MAGI2: variants seen among roughly 807,000 people sequenced by gnomAD.
MAGI2 encodes membrane-associated guanylate kinase, WW and PDZ domain-containing protein 2.
MAGI2 carries 35 observed loss-of-function variants against 133.3 expected under a neutral mutation model. That is an observed-to-expected ratio of 0.26 (90% confidence interval 0.20 to 0.35). The LOEUF (loss-of-function observed/expected upper bound fraction) is 0.35. MAGI2 is among the 10% of genes least tolerant of loss of function. The probability of loss-of-function intolerance (pLI) is 1.00; values close to 1 mark genes in which losing one functional copy is unlikely to be tolerated. For synonymous variants in MAGI2, 729 were observed against 710.6 expected (o/e 1.03, Z -0.41); for missense variants, 1,636 against 1,863.4 (o/e 0.88, Z 2.25).
Position 78,407,997 on chromosome 7 carries a change from C to T in MAGI2, c.1046-38784G>A, listed in dbSNP as rs1460352558. 2.6e-5 allele frequency among the ~76,000 whole-genome samples: 4 copies of T among 152,048 alleles called. No homozygotes were observed. In the East Asian group the frequency reaches 7.7e-4, roughly 29 times the overall value. On this transcript the variant is annotated intron_variant, in intron 6 of 21. Coordinates refer to ENST00000354212, the MANE Select transcript of MAGI2 (RefSeq NM_012301.4). ...TATTTATTGAAGCAGGGGAACCTGA[C>T]ATAGAAGGGATAGTCTAACTTTTCT...
intron 13 of MAGI2, among the ~76,000 whole-genome samples, chr7:78,180,990 G>A (rs180905488): frequency 1.5e-5 from 2 of 131,466 alleles, no homozygotes; most frequent in East Asian, 2.2e-4. Context: ...ATTTTTCTTT[G>A]GTTTCTTTTT....
At chr7:78,529,853 G>A (rs1035003341) in intron 3 of MAGI2, among the ~76,000 whole-genome samples, 43 of 150,740 alleles carry the variant, frequency 2.9e-4, no homozygotes, top group African/African-American at 8.0e-4. Flanking sequence ...CATATTAAAA[G>A]AGAAAAAATG....
intron 9 of MAGI2, among the ~76,000 whole-genome samples, chr7:78,311,710 A>G (rs1798718419): frequency 6.6e-6 from 1 of 152,074 alleles, no homozygotes; most frequent in Non-Finnish European, 1.5e-5. Flanking sequence ...CTGATAAAAC[A>G]TTTAGACTTT....
Position 78,555,175 on chromosome 7 carries a change from AATG to A in MAGI2, c.539-33533_539-33531del, listed in dbSNP as rs1235089710. ...AAATAAATAAATAAATAAATAAATG[AATG>A]ATAGAGGACGGTTGGATGGATGGAT... is the stretch of plus-strand genomic sequence containing the variant. On this transcript the variant is annotated intron_variant, in intron 3 of 21. Coordinates refer to ENST00000354212, the MANE Select transcript of MAGI2 (RefSeq NM_012301.4). Among the ~76,000 whole-genome samples the A allele has an allele frequency of 1.9e-3, 102 of 54,808 alleles. 1 individual carries two copies. Among genetic ancestry groups the A allele is most frequent in the Non-Finnish European group, 5.1e-3 (64 of 12,660 alleles). 36.0% of individuals were successfully genotyped at this position (54,808 alleles called of 152,430 possible).
chr7:79,112,453 A>G (rs1439622028), intron 1 of MAGI2, among the ~76,000 whole-genome samples: 1 of 152,230 alleles, frequency 6.6e-6, no homozygotes, highest in Admixed American at 6.5e-5. Context: ...CTCTTCAACT[A>G]TAATGAATAT....
intron 10 of MAGI2, among the ~76,000 whole-genome samples, chr7:78,242,793 T>C (rs1445095027): frequency 1.3e-5 from 2 of 152,160 alleles, no homozygotes; most frequent in Non-Finnish European, 2.9e-5. Context: ...ATTCTTTATC[T>C]TTGGCCAGGT....
chr7:78,553,211 G>A (rs16886191), intron 3 of MAGI2, among the ~76,000 whole-genome samples: 2,536 of 151,814 alleles, frequency 0.017, 37 homozygotes, highest in African/African-American at 0.049. Flanking sequence ...CCATCTGTTC[G>A]CAGTCTTACA....
At chr7:79,192,282 T>G (rs990723540) in intron 1 of MAGI2, among the ~76,000 whole-genome samples, 4 of 151,906 alleles carry the variant, frequency 2.6e-5, no homozygotes, top group Non-Finnish European at 5.9e-5. Flanking sequence ...TGTAGAATTT[T>G]TATCTGTTTT....
intron 1 of MAGI2, among the ~76,000 whole-genome samples, chr7:79,364,099 G>A (rs1842537584): frequency 6.6e-6 from 1 of 151,940 alleles, no homozygotes; most frequent in Non-Finnish European, 1.5e-5. Context: ...AAGTGTTGGT[G>A]AGGACACAAA....
chr7:78,857,043 GCTCT>G lies in MAGI2; in HGVS notation c.418+150043_418+150046del, dbSNP rs1793711154. Among the ~76,000 whole-genome samples the G allele has an allele frequency of 2.0e-5, 3 of 152,168 alleles. No homozygotes were observed. The South Asian group carries it at 6.2e-4, about 32-fold the overall frequency. ...TGAATGGGAGTTCACTCATGATTTG[GCTCT>G]CTGTTTGTCTGTTATTGGTGTAAAG... On this transcript the variant is annotated intron_variant, in intron 2 of 21. Coordinates refer to ENST00000354212, the MANE Select transcript of MAGI2 (RefSeq NM_012301.4).
chr7:78,126,239 T>G (rs1041190663), intron 19 of MAGI2, among the ~76,000 whole-genome samples: 73 of 147,618 alleles, frequency 4.9e-4, no homozygotes, highest in African/African-American at 1.6e-3. Flanking sequence ...TTACAGAGTT[T>G]GCTGATTAGA....
In MAGI2 at chr7:78,160,211, G is replaced by A. The variant is rs779344539; in HGVS notation, c.2659C>T (p.Arg887Cys). The A allele has an allele frequency of 9.9e-6, 16 of 1,612,242 alleles. No individual in the cohort carries two copies. The highest frequency in any genetic ancestry group is 5.3e-5 in the African/African-American group (4 of 74,932). ...GSVSTHHSSPRSDYATYTNSN... is the reference protein window; with the variant it reads ...GSVSTHHSSPCSDYATYTNSN... Reference sequence around the variant, plus strand: ...TTGGTGTAGGTTGCGTAGTCACTGCGTGGAGAGCTGTGGTGGGTGGATACA... The same window carrying A: ...TTGGTGTAGGTTGCGTAGTCACTGCATGGAGAGCTGTGGTGGGTGGATACA... The change falls in exon 16 of 22, where the codon CGC becomes TGC. Residue 887 changes from arginine to cysteine, a missense_variant. Physicochemically the swap from Arg to Cys is radical, Grantham distance 180 (BLOSUM62 -3). Transcript: ENST00000354212.
chr7:78,511,550 AAT>A (rs1491091120), intron 4 of MAGI2, among the ~76,000 whole-genome samples: 6,237 of 106,700 alleles, frequency 0.058, 200 homozygotes, highest in African/African-American at 0.14. Flanking sequence ...TATATATATA[AAT>A]TTTTTTTTTT....
chr7:78,823,690 T>C (rs1790370023), intron 2 of MAGI2, among the ~76,000 whole-genome samples: 1 of 151,954 alleles, frequency 6.6e-6, no homozygotes. Flanking sequence ...AAAGGTTAGG[T>C]AGAAGAATAA....
intron 2 of MAGI2, among the ~76,000 whole-genome samples, chr7:78,728,549 T>C (rs1189001789): frequency 3.4e-3 from 11 of 3,192 alleles, no homozygotes; most frequent in East Asian, 0.017. Flanking sequence ...TCTTTTTTTT[T>C]TTTTTTTTTT....
chr7:78,276,799 G>A (rs1309838620), intron 9 of MAGI2, among the ~76,000 whole-genome samples: 1 of 152,054 alleles, frequency 6.6e-6, no homozygotes, highest in African/African-American at 2.4e-5. Flanking sequence ...TAATATCACT[G>A]GTGTGCATGA....
intron 2 of MAGI2, among the ~76,000 whole-genome samples, chr7:78,948,460 C>T (rs1362946132): frequency 6.6e-6 from 1 of 151,872 alleles, no homozygotes. Context: ...GATGCTCTTC[C>T]CTGAGATTAC....
chr7:79,173,927 G>A (rs2129549240), intron 1 of MAGI2, among the ~76,000 whole-genome samples: 1 of 151,870 alleles, frequency 6.6e-6, no homozygotes, highest in African/African-American at 2.4e-5. Context: ...ATATTTTCCA[G>A]AAAGAACCAT....
intron 1 of MAGI2, among the ~76,000 whole-genome samples, chr7:79,109,722 G>C (rs148835693): frequency 2.6e-4 from 39 of 152,272 alleles, no homozygotes; most frequent in African/African-American, 8.9e-4. Context: ...AATTAAGAAG[G>C]AGCTGAGTGC....
Sources: gnomAD v4.1 joint callset for allele counts (sites outside exome capture counted in the v4.1 genomes callset) on GRCh38, gnomAD v4.1.1 for gene constraint, MANE v1.5 for transcripts, NCBI Gene and HGNC (gene_info 2026-07-23, HGNC 2026-07-21) for gene names.